The following UTRN variants were observed in gnomAD, a reference collection of about 807,000 sequenced individuals.
UTRN encodes dystrophin-related protein 1.
UTRN carries 283 observed loss-of-function variants against 463.9 expected under a neutral mutation model. The ratio of observed to expected loss-of-function variants is 0.61; its 90% CI spans 0.55 to 0.67. UTRN has a LOEUF of 0.67. UTRN is among the 30% of genes least tolerant of loss of function. The pLI is 0.00. For missense variants in UTRN, 3,922 were observed against 4,084.3 expected, an observed-to-expected ratio of 0.96 and a Z score of 1.08; for synonymous variants, 1,442 against 1,431.5, an observed-to-expected ratio of 1.01 and a Z score of -0.17.
chr6:144,323,734 T>G (rs933439759), intron 2 of UTRN, among the ~76,000 whole-genome samples: 4 of 152,226 alleles, frequency 2.6e-5, no homozygotes, highest in African/African-American at 9.6e-5. Context: ...CAAAATATTT[T>G]TTACAAGCTT....
At chr6:144,428,387 T>C (rs182144800) in intron 7 of UTRN, among the ~76,000 whole-genome samples, 1 of 151,696 alleles carries the variant, frequency 6.6e-6, no homozygotes, top group East Asian at 1.9e-4. Flanking sequence ...TTTTACCGCA[T>C]AGTGTGAGCT....
At chr6:144,403,379 G>C (rs1177618924) in intron 3 of UTRN, among the ~76,000 whole-genome samples, 195 bp downstream of exon 3, 3 of 152,054 alleles carry the variant, frequency 2.0e-5, no homozygotes, top group Non-Finnish European at 4.4e-5. Flanking sequence ...ATAGTTTATG[G>C]GACGCTATTG....
At chr6:144,645,891 A>G (rs2128664190) in intron 51 of UTRN, among the ~76,000 whole-genome samples, 1 of 152,286 alleles carries the variant, frequency 6.6e-6, no homozygotes, top group East Asian at 1.9e-4. Flanking sequence ...ATTTATGTCA[A>G]AATGGTATTC....
intron 51 of UTRN, among the ~76,000 whole-genome samples, chr6:144,581,924 A>G (rs1447555922): frequency 6.6e-6 from 1 of 152,126 alleles, no homozygotes; most frequent in Non-Finnish European, 1.5e-5. Context: ...TTAACATTTT[A>G]TACTCTATCC....
In UTRN at chr6:144,684,112, C is replaced by T. The variant is rs558616973; in HGVS notation, c.7652+5534C>T. Among the ~76,000 whole-genome samples the T allele has an allele frequency of 7.3e-5, 11 of 150,298 alleles. No homozygotes were observed. The East Asian group carries it at 1.6e-3, about 21-fold the overall frequency. Reference sequence around the variant, plus strand: ...TCGCCCAGGCTGGAGTGCAGTGGCACGATCTTGGCTCACTGCAACCTCCAC... The same window carrying T: ...TCGCCCAGGCTGGAGTGCAGTGGCATGATCTTGGCTCACTGCAACCTCCAC... On this transcript the variant is annotated intron_variant, in intron 52 of 74. Transcript: ENST00000367545.
chr6:144,461,211 C>G lies in UTRN; in HGVS notation c.2722C>G (p.Pro908Ala). 1 of 1,586,954 alleles carries G rather than the reference C, an allele frequency of 6.3e-7. No homozygotes were observed. The highest frequency in any genetic ancestry group is 2.2e-5 in the East Asian group (1 of 44,522). ...QHLENELKGQ[P>A]GHAYLETLKT... ...TAAATAAACAGAACTGAAGGGCCAA[C>G]CTGGACATGCATATCTGGAAACATT... is the stretch of plus-strand genomic sequence containing the variant. Residue 908 changes from proline (P) to alanine (A), a missense_variant, in exon 22 of 75, where the codon CCT (proline) becomes GCT (alanine). Around this residue, in one of 3 missense-constraint regions of UTRN, gnomAD observed 2,349 missense variants for 2,303.8 expected, o/e 1.02. Transcript: ENST00000367545.
chr6:144,720,241 C>T (rs899957090), intron 53 of UTRN, among the ~76,000 whole-genome samples: 7 of 152,224 alleles, frequency 4.6e-5, no homozygotes, highest in African/African-American at 1.2e-4. Context: ...CCCTAAGCCA[C>T]GCCAATCACT....
intron 30 of UTRN, among the ~76,000 whole-genome samples, chr6:144,489,667 G>A (rs12193726): frequency 4.8e-3 from 735 of 152,092 alleles, no homozygotes; most frequent in Middle Eastern, 0.024. Flanking sequence ...TGTTGCCCAG[G>A]CTAGAGTGCA....
chr6:144,584,931 C>T (rs12196553), intron 51 of UTRN, among the ~76,000 whole-genome samples: 46,926 of 151,898 alleles, frequency 0.31, 7,938 homozygotes, highest in South Asian at 0.53. Flanking sequence ...AAGAAAAGCT[C>T]ATTCACTAAT....
At chr6:144,401,112 A>G (rs1448767087) in intron 2 of UTRN, among the ~76,000 whole-genome samples, 2 of 152,178 alleles carry the variant, frequency 1.3e-5, no homozygotes, top group African/African-American at 4.8e-5. Flanking sequence ...AATTTTTTCC[A>G]TTTTTATGGC....
At chr6:144,344,389 T>G in intron 2 of UTRN, 2 of 1,289,666 alleles carry the variant, frequency 1.6e-6, no homozygotes, top group Non-Finnish European at 2.0e-6. Context: ...CATTCAGTTT[T>G]GTTAAGTAAC....
intron 51 of UTRN, among the ~76,000 whole-genome samples, chr6:144,631,684 G>A (rs180737289): frequency 2.6e-4 from 40 of 152,228 alleles, no homozygotes; most frequent in Admixed American, 2.2e-3. Flanking sequence ...GTCTACTGTG[G>A]ATCGGTTCTC....
chr6:144,458,948 A>G lies in UTRN; in HGVS notation c.2463A>G (p.Val821=). ...TCATCAAGACAAAGGAGGAGTGGGT[A>G]AAACACACTTCCATTTCTGAATCTT... ...EKVIKTKEEW[V]KHTSISESSR... The change falls in exon 20 of 75, where the codon GTA becomes GTG. Residue 821 remains valine (V), a synonymous_variant. Coordinates refer to ENST00000367545, the MANE Select transcript of UTRN (RefSeq NM_007124.3). The G allele has an allele frequency of 6.2e-7, 1 of 1,613,288 alleles. No homozygotes were observed.
At chr6:144,418,966 C>T (rs1410033073) in intron 3 of UTRN, among the ~76,000 whole-genome samples, 1 of 152,178 alleles carries the variant, frequency 6.6e-6, no homozygotes, top group African/African-American at 2.4e-5. Context: ...TTCTAAGATC[C>T]TTTCTATGCC....
chr6:144,846,911 C>G, intron 74 of UTRN, 84 bp downstream of exon 74: 3 of 1,529,244 alleles, frequency 2.0e-6, no homozygotes, highest in Non-Finnish European at 2.7e-6. Flanking sequence ...TTTATTCCTA[C>G]TTTATTCTCC....
chr6:144,726,034 T>G (rs938128820), intron 53 of UTRN, among the ~76,000 whole-genome samples: 1 of 150,916 alleles, frequency 6.6e-6, no homozygotes, highest in Non-Finnish European at 1.5e-5. Flanking sequence ...TTCTTTTTCT[T>G]TTTTTTTTGT....
intron 2 of UTRN, among the ~76,000 whole-genome samples, chr6:144,329,333 G>A (rs56167520): frequency 0.052 from 7,981 of 152,040 alleles, 343 homozygotes; most frequent in Non-Finnish European, 0.079. Flanking sequence ...CGCCTGCCTC[G>A]GCCTCCCAAA....
chr6:144,803,656 T>A (rs947765780), intron 65 of UTRN, among the ~76,000 whole-genome samples: 1 of 151,830 alleles, frequency 6.6e-6, no homozygotes. Context: ...CACAGTGTAA[T>A]TTTTTTTAGT....
intron 23 of UTRN, among the ~76,000 whole-genome samples, chr6:144,465,170 C>G (rs1789819365): frequency 2.0e-5 from 3 of 152,202 alleles, no homozygotes; most frequent in South Asian, 2.1e-4. Context: ...AAGATCATCC[C>G]TTTGTTTTCA....
Sources: gnomAD v4.1 joint callset for allele counts (sites outside exome capture counted in the v4.1 genomes callset) on GRCh38, gnomAD v4.1.1 for gene constraint, gnomAD v4.1.1 regional missense constraint, MANE v1.5 for transcripts, NCBI Gene and HGNC (gene_info 2026-07-23, HGNC 2026-07-21) for gene names.